AFG2B: variants seen among roughly 807,000 people sequenced by gnomAD.
The protein encoded by AFG2B is AAA ATPase AFG2B.
At chr15:45,407,894 AAG>A in the AFG2B span, among the ~76,000 whole-genome samples, 1 of 152,252 alleles carries the variant, frequency 6.6e-6, no homozygotes, top group Non-Finnish European at 1.5e-5. Flanking sequence ...GGAGAATGTA[AAG>A]AGTCTCCAAA....
At chr15:45,420,662 C>T in the AFG2B span, among the ~76,000 whole-genome samples, 1 of 151,566 alleles carries the variant, frequency 6.6e-6, no homozygotes, top group Admixed American at 6.6e-5. Context: ...TGAGATTTTC[C>T]ATTCAGAGTT....
chr15:45,407,094 G>C, the AFG2B span: 1 of 1,289,172 alleles, frequency 7.8e-7, no homozygotes, highest in Non-Finnish European at 1.0e-6. Context: ...TCCCAGGGTG[G>C]AGCCCACTGC....
chr15:45,411,642 A>G, the AFG2B span, among the ~76,000 whole-genome samples: 1 of 152,162 alleles, frequency 6.6e-6, no homozygotes, highest in Non-Finnish European at 1.5e-5. Context: ...TAAATTAGCC[A>G]GGTGTGGTAG....
chr15:45,403,367 G>A, the AFG2B span: 6 of 1,610,268 alleles, frequency 3.7e-6, no homozygotes, highest in Non-Finnish European at 8.5e-7. Context: ...CCCCAGCGGG[G>A]CAGTCGAGCA....
the AFG2B span, chr15:45,402,747 C>G: frequency 1.3e-5 from 21 of 1,571,702 alleles, no homozygotes; most frequent in Middle Eastern, 1.7e-4. Flanking sequence ...CCTGTCCGCC[C>G]CTGCGGCGCG....
the AFG2B span, chr15:45,403,584 T>C: frequency 5.1e-6 from 8 of 1,574,298 alleles, no homozygotes; most frequent in Middle Eastern, 5.1e-4. Flanking sequence ...GCCATTTGGC[T>C]GCCCCGGAGG....
the AFG2B span, among the ~76,000 whole-genome samples, chr15:45,408,616 T>G: frequency 6.6e-6 from 1 of 152,190 alleles, no homozygotes; most frequent in African/African-American, 2.4e-5. Context: ...ATGCTAACTT[T>G]TATCAACTAG....
chr15:45,409,510 A>C, the AFG2B span, among the ~76,000 whole-genome samples: 3 of 152,122 alleles, frequency 2.0e-5, no homozygotes, highest in Non-Finnish European at 4.4e-5. Flanking sequence ...TCAAAATTGT[A>C]TATGTGTGTA....
the AFG2B span, chr15:45,405,505 G>C: frequency 6.2e-7 from 1 of 1,609,492 alleles, no homozygotes; most frequent in African/African-American, 1.3e-5. Flanking sequence ...ATAGTGAGAA[G>C]GTAAGAAGTG....
chr15:45,403,001 C>G, the AFG2B span: 1 of 1,588,730 alleles, frequency 6.3e-7, no homozygotes, highest in African/African-American at 1.4e-5. Context: ...GGGGAGCCTC[C>G]GTCGGAAGCC....
the AFG2B span, among the ~76,000 whole-genome samples, chr15:45,407,727 CAGTT>C: frequency 4.6e-5 from 7 of 152,196 alleles, no homozygotes; most frequent in African/African-American, 1.7e-4. Context: ...TAAGAAAAGA[CAGTT>C]TGTTTTTGAA....
At chr15:45,403,569 C>T in the AFG2B span, 1 of 1,578,180 alleles carries the variant, frequency 6.3e-7, no homozygotes, top group South Asian at 1.1e-5. Context: ...TCGGCCGCTT[C>T]TGGCGCCATT....
the AFG2B span, chr15:45,415,650 T>A: frequency 1.9e-6 from 3 of 1,614,040 alleles, no homozygotes; most frequent in Non-Finnish European, 2.5e-6. Flanking sequence ...TGATTCAATC[T>A]TGGGAGCTCG....
At chr15:45,415,744 C>T in the AFG2B span, 1 of 1,613,682 alleles carries the variant, frequency 6.2e-7, no homozygotes, top group Non-Finnish European at 8.5e-7. Context: ...GGACTTAAGA[C>T]AATAGAGAGA....
the AFG2B span, chr15:45,403,225 A>G: frequency 6.6e-7 from 1 of 1,516,276 alleles, no homozygotes; most frequent in Non-Finnish European, 8.7e-7. Context: ...GCTGGCAGTC[A>G]GCGCCCCGGC....
chr15:45,404,859 T>C, the AFG2B span, among the ~76,000 whole-genome samples: 3 of 150,846 alleles, frequency 2.0e-5, no homozygotes, highest in African/African-American at 7.3e-5. Context: ...CACACACATA[T>C]ATAAAATTTT....
chr15:45,403,049 A>G, the AFG2B span: 1 of 1,557,134 alleles, frequency 6.4e-7, no homozygotes, highest in East Asian at 2.4e-5. Flanking sequence ...GGTCTTTCGG[A>G]GGCGGCCGAC....
At chr15:45,406,567 A>T in the AFG2B span, among the ~76,000 whole-genome samples, 4 of 152,254 alleles carry the variant, frequency 2.6e-5, no homozygotes, top group African/African-American at 7.2e-5. Context: ...ATTAGATTAA[A>T]TATAATACTT....
the AFG2B span, among the ~76,000 whole-genome samples, chr15:45,403,700 T>C: frequency 2.6e-5 from 4 of 152,146 alleles, no homozygotes; most frequent in African/African-American, 9.7e-5. Context: ...AGGACCTGTA[T>C]TTCCCCAGAG....
Sources: allele counts gnomAD v4.1 joint callset (sites outside exome capture counted in the v4.1 genomes callset), GRCh38; gene constraint gnomAD v4.1.1; transcripts MANE v1.5; gene names NCBI Gene and HGNC (gene_info 2026-07-23, HGNC 2026-07-21).